Variants in ZSCAN22 observed in about 807,000 individuals in gnomAD.
ZSCAN22 encodes zinc finger and SCAN domain containing 22, also known as zinc finger and SCAN domain-containing protein 22.
ZSCAN22 carries 7 observed loss-of-function variants against 12.4 expected under a neutral mutation model. The ratio of observed to expected loss-of-function variants is 0.57; its 90% CI spans 0.32 to 1.06. The LOEUF (loss-of-function observed/expected upper bound fraction) is 1.06. Ranked by LOEUF, ZSCAN22 falls within the 50% of genes least tolerant of loss-of-function variation. ZSCAN22 has a pLI of 0.04. For missense variants in ZSCAN22, 576 were observed against 631.7 expected, an observed-to-expected ratio of 0.91 and a Z score of 0.94; for synonymous variants, 243 against 255.9, an observed-to-expected ratio of 0.95 and a Z score of 0.48.
intron 1 of ZSCAN22, among the ~76,000 whole-genome samples, chr19:58,334,105 T>G (rs2051759447): frequency 6.6e-6 from 1 of 152,184 alleles, no homozygotes; most frequent in South Asian, 2.1e-4. Flanking sequence ...TGTGGCTACC[T>G]GGGGAACAGA....
At chr19:58,334,558 A>G in intron 1 of ZSCAN22, 194 bp from the exon 2 acceptor site, 1 of 419,040 alleles carries the variant, frequency 2.4e-6, no homozygotes, top group Non-Finnish European at 4.2e-6. Flanking sequence ...GTTTTAAATG[A>G]GTCTACATGC....
chr19:58,339,227 G>A lies in ZSCAN22; in HGVS notation c.1377G>A (p.Thr459=), dbSNP rs369575510. 1.7e-5 allele frequency: 28 copies of A among 1,614,026 alleles called. No homozygotes were observed. Among genetic ancestry groups the A allele is most frequent in the East Asian group, 1.1e-4 (5 of 44,850 alleles). Residue 459 remains threonine (T), a synonymous_variant, in exon 3 of 3, where the codon ACG becomes ACA. Coordinates refer to ENST00000329665, the MANE Select transcript of ZSCAN22 (RefSeq NM_181846.3). This position sits in a 1 kb window ranked among gnomAD's most constrained non-coding sequence, Gnocchi z 5.6. Reference sequence around the variant, plus strand: ...TCATTGAGCACCAGAGGATCCACACGGGAGAGAAGCCTTATAAGTGCAGCG... The same window carrying A: ...TCATTGAGCACCAGAGGATCCACACAGGAGAGAAGCCTTATAAGTGCAGCG... The part of the protein sequence containing the change: ...SSLIEHQRIH[T]GEKPYKCSDC...
intron 1 of ZSCAN22, among the ~76,000 whole-genome samples, chr19:58,327,413 G>A (rs2051666235): frequency 1.3e-5 from 2 of 152,156 alleles, no homozygotes; most frequent in Admixed American, 1.3e-4. Context: ...AGTGCCGGAC[G>A]GACCGACGGA....
chr19:58,328,733 C>T (rs2051686331), intron 1 of ZSCAN22, among the ~76,000 whole-genome samples: 1 of 152,140 alleles, frequency 6.6e-6, no homozygotes, highest in Non-Finnish European at 1.5e-5. Context: ...ACAGGTGTTC[C>T]AGGGGTGCAA....
intron 1 of ZSCAN22, among the ~76,000 whole-genome samples, chr19:58,333,681 T>C (rs2051752839): frequency 6.6e-6 from 1 of 152,148 alleles, no homozygotes; most frequent in Non-Finnish European, 1.5e-5. Flanking sequence ...CCGTCTCCAC[T>C]AAAAATACAA....
At position 58,339,064 on chromosome 19, in the gene ZSCAN22, A is replaced by G. The variant is rs780115310; in HGVS notation, c.1214A>G (p.Glu405Gly). The change falls in exon 3 of 3, where the codon GAG becomes GGG. Residue 405 changes from glutamate to glycine, a missense_variant. Coordinates refer to ENST00000329665, the MANE Select transcript of ZSCAN22 (RefSeq NM_181846.3). The surrounding 1 kb of genome is among the most constrained non-coding windows in gnomAD (Gnocchi z 5.6). ...CAACACCAGCGCATCCACACCGGGG[A>G]GAAGCCCTACAAGTGTGACGCGTGT... is the stretch of plus-strand genomic sequence containing the variant. ...LTQHQRIHTG[E>G]KPYKCDACGR... The G allele has an allele frequency of 6.2e-7, 1 of 1,614,200 alleles. No homozygotes were observed. Among genetic ancestry groups the G allele is most frequent in the Admixed American group, 1.7e-5 (1 of 60,026 alleles).
rs375935212 is a variant in ZSCAN22 at position 58,338,695 on chromosome 19, C to T, written c.845C>T (p.Ala282Val). 1.5e-5 allele frequency: 25 copies of T among 1,614,154 alleles called. No individual in the cohort carries two copies. Among genetic ancestry groups the T allele is most frequent in the South Asian group, 9.9e-5 (9 of 91,080 alleles). The change falls in exon 3 of 3, where the codon GCG (alanine) becomes GTG (valine). Residue 282 changes from alanine (A) to valine (V), a missense_variant. Physicochemically the swap from Ala to Val is moderately conservative, Grantham distance 64. Transcript: ENST00000329665. The surrounding 1 kb of genome is among the most constrained non-coding windows in gnomAD (Gnocchi z 5.4). The part of the protein sequence containing the change: ...ECRKMFQSAS[A>V]LEAHQKTHSR... Reference sequence around the variant, plus strand: ...AGGAAGATGTTCCAGAGTGCTTCGGCGCTCGAGGCACACCAGAAGACCCAT... The same window carrying T: ...AGGAAGATGTTCCAGAGTGCTTCGGTGCTCGAGGCACACCAGAAGACCCAT...
At position 58,338,426 on chromosome 19, in the gene ZSCAN22, G is replaced by A. The variant is rs1278295086; in HGVS notation, c.576G>A (p.Glu192=). 1.2e-6 allele frequency: 2 copies of A among 1,614,052 alleles called. No homozygotes were observed. The highest frequency in any genetic ancestry group is 1.3e-5 in the African/African-American group (1 of 74,918). Reference sequence around the variant, plus strand: ...CAGAGAGGTCTGGACTATCAGGGGAGATCTGGACAAAGTCTGTCACCCAAC... The same window carrying A: ...CAGAGAGGTCTGGACTATCAGGGGAAATCTGGACAAAGTCTGTCACCCAAC... The part of the protein sequence containing the change: ...GSSERSGLSG[E]IWTKSVTQQI... Residue 192 remains glutamate (E), a synonymous_variant, in exon 3 of 3, where the codon GAG becomes GAA. Coordinates refer to ENST00000329665, the MANE Select transcript of ZSCAN22 (RefSeq NM_181846.3). This position sits in a 1 kb window ranked among gnomAD's most constrained non-coding sequence, Gnocchi z 5.4.
In ZSCAN22 at chr19:58,332,268, CTTTTTTT is replaced by C. The variant is rs35345104; in HGVS notation, c.-51-2467_-51-2461del. ...TCAGCCTCTGACAAACACTAATATGCTTTTTTTTTTTTTTTTTTTTTTTGAGATGGAG... is the reference window on the plus strand; with the variant it reads ...TCAGCCTCTGACAAACACTAATATGCTTTTTTTTTTTTTTTTGAGATGGAG... On this transcript the variant is annotated intron_variant, in intron 1 of 2. Coordinates refer to ENST00000329665, the MANE Select transcript of ZSCAN22 (RefSeq NM_181846.3). Among the ~76,000 whole-genome samples, 11 of 81,676 alleles carry C rather than the reference CTTTTTTT, an allele frequency of 1.3e-4. No individual in the cohort carries two copies. In the East Asian group the frequency reaches 3.3e-3, roughly 24 times the overall value. 53.6% of individuals were successfully genotyped at this position (81,676 alleles called of 152,430 possible).
Position 58,341,938 on chromosome 19 carries a change from C to T in ZSCAN22, c.*2612C>T, listed in dbSNP as rs2051881093. 1 of 152,210 alleles carries T rather than the reference C, an allele frequency of 6.6e-6. No homozygotes were observed. Among genetic ancestry groups the T allele is most frequent in the Non-Finnish European group, 1.5e-5 (1 of 68,062 alleles). The allele number at this position is 152,210 out of a possible 1,614,324, so 9.4% of individuals were successfully genotyped here. A position where few individuals can be genotyped will look rare whatever the true frequency, so the allele number is the denominator to read the frequency against. On this transcript the variant is annotated 3_prime_UTR_variant, in exon 3 of 3. Transcript: ENST00000329665. Reference sequence around the variant, plus strand: ...GTAGTGCCTGACCCAAAGCCTGGCCCTGCACACTGTCTCTGACTCACAGCA... The same window carrying T: ...GTAGTGCCTGACCCAAAGCCTGGCCTTGCACACTGTCTCTGACTCACAGCA...
Position 58,329,260 on chromosome 19 carries a change from G to A in ZSCAN22, c.-52+2146G>A, listed in dbSNP as rs147795185. ...GATTGGGGTCTTGTTTTAGAGTAAC[G>A]TTCTCTTCTTCCTGTGCCCAAGGCC... On this transcript the variant is annotated intron_variant, in intron 1 of 2. Transcript: ENST00000329665. The surrounding 1 kb of genome is among the most constrained non-coding windows in gnomAD (Gnocchi z 4.1). Among the ~76,000 whole-genome samples, 181 of 152,316 alleles carry A rather than the reference G, an allele frequency of 1.2e-3. No homozygotes were observed. The highest frequency in any genetic ancestry group is 3.9e-3 in the African/African-American group (162 of 41,564).
In ZSCAN22 at chr19:58,338,302, A is replaced by G; in HGVS notation, c.452A>G (p.Asp151Gly). 6.2e-7 allele frequency: 1 copy of G among 1,611,880 alleles called. No homozygotes were observed. The highest frequency in any genetic ancestry group is 1.7e-5 in the Admixed American group (1 of 59,996). The part of the protein sequence containing the change: ...EPTEASCKQS[D>G]LGESEPSNVT... Reference sequence around the variant, plus strand: ...ACAGAGGCAAGCTGCAAGCAGAGTGACCTGGGAGAGTCAGAGCCATCAAAT... The same window carrying G: ...ACAGAGGCAAGCTGCAAGCAGAGTGGCCTGGGAGAGTCAGAGCCATCAAAT... The change falls in exon 3 of 3, where the codon GAC becomes GGC. Residue 151 changes from aspartate (D) to glycine (G), a missense_variant. Coordinates refer to ENST00000329665, the MANE Select transcript of ZSCAN22 (RefSeq NM_181846.3). This position sits in a 1 kb window ranked among gnomAD's most constrained non-coding sequence, Gnocchi z 5.4.
chr19:58,327,984 G>A (rs766267509), intron 1 of ZSCAN22, among the ~76,000 whole-genome samples: 2 of 152,176 alleles, frequency 1.3e-5, no homozygotes, highest in Non-Finnish European at 2.9e-5. Context: ...CCGAGTAGCT[G>A]GGATTACAGG....
chr19:58,336,338 A>G (rs980671211), intron 2 of ZSCAN22, among the ~76,000 whole-genome samples: 2 of 152,118 alleles, frequency 1.3e-5, no homozygotes, highest in Non-Finnish European at 2.9e-5. Flanking sequence ...AGGTTGGTCT[A>G]TGCCCAAGCA....
In ZSCAN22 at chr19:58,328,434, A is replaced by T. The variant is rs116375737; in HGVS notation, c.-52+1320A>T. Among the ~76,000 whole-genome samples the T allele has an allele frequency of 1.9e-3, 283 of 152,296 alleles. 1 individual carries two copies. The highest frequency in any genetic ancestry group is 6.6e-3 in the African/African-American group (273 of 41,554). On this transcript the variant is annotated intron_variant, in intron 1 of 2. Coordinates refer to ENST00000329665, the MANE Select transcript of ZSCAN22 (RefSeq NM_181846.3). ...CCCCCAGTGTTTGCTTACGTGTAGC[A>T]GGGGGCTATGGTATCCATACATCTA...
rs567217746 is a variant in ZSCAN22 at position 58,342,320 on chromosome 19, T to G, written c.*2994T>G. ...TGTCAGCAATTTCAATAAACATGAC[T>G]GTACTCAACAAACCAAGTGTAAAGA... On this transcript the variant is annotated 3_prime_UTR_variant, in exon 3 of 3. Transcript: ENST00000329665. 6.6e-6 allele frequency: 1 copy of G among 152,222 alleles called. No homozygotes were observed. Among genetic ancestry groups the G allele is most frequent in the South Asian group, 2.1e-4 (1 of 4,826 alleles). The allele number at this position is 152,222 out of a possible 1,614,324, so 9.4% of individuals were successfully genotyped here.
Position 58,340,480 on chromosome 19 carries a change from C to CTTTT in ZSCAN22, c.*1164_*1167dup. 7.1e-6 allele frequency: 1 copy of CTTTT among 141,662 alleles called. No homozygotes were observed. Among genetic ancestry groups the CTTTT allele is most frequent in the Non-Finnish European group, 1.5e-5 (1 of 67,418 alleles). The allele number at this position is 141,662 out of a possible 1,614,324, so 8.8% of individuals were successfully genotyped here. The stretch of plus-strand genomic sequence containing the variant: ...CTTCTTTTTCTTTTTCTTTTCTTTT[C>CTTTT]TTTTTTTTTTTTTGAGATGGAGTCT... On this transcript the variant is annotated 3_prime_UTR_variant, in exon 3 of 3. Transcript: ENST00000329665.
At chr19:58,331,539 A>G (rs1600485552) in intron 1 of ZSCAN22, among the ~76,000 whole-genome samples, 1 of 127,862 alleles carries the variant, frequency 7.8e-6, no homozygotes, top group Non-Finnish European at 1.7e-5. Context: ...TATTATTATT[A>G]TTATTATTAT....
chr19:58,327,265 C>A (rs1351661707), intron 1 of ZSCAN22, among the ~76,000 whole-genome samples, 151 bp downstream of exon 1: 1 of 152,194 alleles, frequency 6.6e-6, no homozygotes, highest in Non-Finnish European at 1.5e-5. Context: ...CGTGAGTAGA[C>A]GGACTGCGAG....
Sources: allele counts gnomAD v4.1 joint callset (sites outside exome capture counted in the v4.1 genomes callset), GRCh38; gene constraint gnomAD v4.1.1; non-coding constraint Gnocchi (gnomAD v3.1); transcripts MANE v1.5; gene names NCBI Gene and HGNC (gene_info 2026-07-23, HGNC 2026-07-21).